CEP63: variants seen among roughly 807,000 people sequenced by gnomAD.
CEP63 encodes the protein centrosomal protein 63, also known as centrosomal protein of 63 kDa.
A neutral mutation model predicts 89.1 loss-of-function variants in CEP63; 84 were observed. The observed-to-expected ratio is 0.94, with a 90% CI of 0.79 to 1.13. CEP63 has a LOEUF of 1.13. Among genes scored for constraint, CEP63 ranks in the 50% most tolerant of loss-of-function variants. The probability of loss-of-function intolerance (pLI) is 0.00; values close to 1 mark genes in which losing one functional copy is unlikely to be tolerated. For missense variants in CEP63, 838 were observed against 813.3 expected (o/e 1.03, Z -0.37); for synonymous variants, 267 against 272.5 (o/e 0.98, Z 0.20).
chr3:134,741,642 A>G, the CEP63 span, among the ~76,000 whole-genome samples: 4 of 152,192 alleles, frequency 2.6e-5, no homozygotes, highest in African/African-American at 7.2e-5. Context: ...GATTTAAACA[A>G]TCGTGTCCTT....
the CEP63 span, among the ~76,000 whole-genome samples, chr3:134,692,574 G>T: frequency 6.6e-6 from 1 of 152,244 alleles, no homozygotes; most frequent in African/African-American, 2.4e-5. Context: ...GTTTACTCAC[G>T]AGAGAAAAGA....
At chr3:134,707,792 T>C in the CEP63 span, among the ~76,000 whole-genome samples, 3 of 140,906 alleles carry the variant, frequency 2.1e-5, no homozygotes, top group Non-Finnish European at 3.0e-5. Flanking sequence ...TGAGGTGAAC[T>C]GGAATTGATG....
At chr3:134,749,766 G>A in the CEP63 span, among the ~76,000 whole-genome samples, 1 of 142,540 alleles carries the variant, frequency 7.0e-6, no homozygotes, top group Admixed American at 7.2e-5. Flanking sequence ...AAAGTGGGAT[G>A]ATAAAATGAA....
the CEP63 span, among the ~76,000 whole-genome samples, chr3:134,745,777 T>G: frequency 6.6e-6 from 1 of 151,162 alleles, no homozygotes; most frequent in African/African-American, 2.4e-5. Context: ...AGTGAGAACA[T>G]GCTGTGTTTA....
intron 3 of CEP63, among the ~76,000 whole-genome samples, chr3:134,520,006 T>C (rs752387656): frequency 7.2e-5 from 11 of 152,174 alleles, no homozygotes; most frequent in Non-Finnish European, 1.3e-4. Context: ...AAGCTTTCCT[T>C]CAGAGATTGT....
At chr3:134,560,712 T>C (rs1361811461) in intron 14 of CEP63, among the ~76,000 whole-genome samples, 3 of 152,152 alleles carry the variant, frequency 2.0e-5, no homozygotes, top group Non-Finnish European at 4.4e-5. Context: ...TTTAGGATTA[T>C]GCTCTCTGTG....
chr3:134,765,994 T>A, the CEP63 span, among the ~76,000 whole-genome samples: 2 of 152,096 alleles, frequency 1.3e-5, no homozygotes, highest in African/African-American at 4.8e-5. Flanking sequence ...TTTATAGGGG[T>A]CAGAGATGAA....
chr3:134,701,454 G>A, the CEP63 span, among the ~76,000 whole-genome samples: 5 of 80,978 alleles, frequency 6.2e-5, 1 homozygote, highest in South Asian at 2.1e-3. Flanking sequence ...ATATATATGT[G>A]TATATATACA....
chr3:134,564,177 C>G lies in CEP63; in HGVS notation c.*2642C>G, dbSNP rs981707567. 4.9e-6 allele frequency: 4 copies of G among 822,842 alleles called. No individual in the cohort carries two copies. In the South Asian group the frequency reaches 1.7e-4, roughly 34 times the overall value. 51.0% of individuals were successfully genotyped at this position (822,842 alleles called of 1,614,324 possible). A position where few individuals can be genotyped will look rare whatever the true frequency, so the allele number is the denominator to read the frequency against. ...GGGCAAGGACTTTGCTTCTCTGGTTCATGGTGGGATCCTCATCACCCAGCA... is the reference window on the plus strand; with the variant it reads ...GGGCAAGGACTTTGCTTCTCTGGTTGATGGTGGGATCCTCATCACCCAGCA... On this transcript the variant is annotated 3_prime_UTR_variant, in exon 15 of 15. Coordinates refer to ENST00000675561, the MANE Select transcript of CEP63 (RefSeq NM_001353108.3).
chr3:134,530,303 T>A (rs949251374), intron 3 of CEP63, among the ~76,000 whole-genome samples: 14 of 152,366 alleles, frequency 9.2e-5, no homozygotes, highest in African/African-American at 3.4e-4. Flanking sequence ...TTTCGTTTTA[T>A]AAGATCTTTG....
the CEP63 span, among the ~76,000 whole-genome samples, chr3:134,701,452 G>A: frequency 1.3e-5 from 1 of 76,128 alleles, no homozygotes; most frequent in Non-Finnish European, 2.6e-5. Context: ...ACATATATAT[G>A]TGTATATATA....
intron 11 of CEP63, among the ~76,000 whole-genome samples, chr3:134,551,605 G>A (rs189625245): frequency 9.6e-4 from 146 of 151,924 alleles, no homozygotes; most frequent in African/African-American, 3.2e-3. Flanking sequence ...GGGATTTAAG[G>A]GGTTCAGTGG....
chr3:134,687,799 C>T, the CEP63 span, among the ~76,000 whole-genome samples: 1 of 152,194 alleles, frequency 6.6e-6, no homozygotes, highest in Non-Finnish European at 1.5e-5. Flanking sequence ...GCAGCCTCCT[C>T]AGGGCACTGC....
intron 3 of CEP63, among the ~76,000 whole-genome samples, chr3:134,528,864 A>C (rs13079012): frequency 0.18 from 27,665 of 152,190 alleles, 3,281 homozygotes; most frequent in Non-Finnish European, 0.27. Flanking sequence ...CGAATAGTTA[A>C]GACTCTTCAA....
the CEP63 span, among the ~76,000 whole-genome samples, chr3:134,698,101 C>A: frequency 6.6e-6 from 1 of 152,254 alleles, no homozygotes; most frequent in African/African-American, 2.4e-5. Flanking sequence ...CCCCGCCAAC[C>A]TGACACCCCA....
At chr3:134,630,573 C>G in the CEP63 span, among the ~76,000 whole-genome samples, 1 of 152,256 alleles carries the variant, frequency 6.6e-6, no homozygotes, top group African/African-American at 2.4e-5. Flanking sequence ...TAGATGGACT[C>G]CTGTGGTCAC....
At chr3:134,719,042 G>C in the CEP63 span, among the ~76,000 whole-genome samples, 1 of 152,194 alleles carries the variant, frequency 6.6e-6, no homozygotes, top group African/African-American at 2.4e-5. Context: ...TTGAATCCAG[G>C]CTTTCTTCAT....
chr3:134,580,053 G>A (rs1958307505), intron 10 of CEP63, among the ~76,000 whole-genome samples: 1 of 152,064 alleles, frequency 6.6e-6, no homozygotes, highest in African/African-American at 2.4e-5. Context: ...AAATTAGCTG[G>A]GCATGATGGT....
downstream of CEP63, chr3:134,565,069 G>A: frequency 4.6e-6 from 3 of 646,984 alleles, no homozygotes; most frequent in Non-Finnish European, 3.8e-6. Flanking sequence ...TCCAAAATCT[G>A]TCCGTGATCA....
Sources: allele counts gnomAD v4.1 joint callset (sites outside exome capture counted in the v4.1 genomes callset), GRCh38; gene constraint gnomAD v4.1.1; transcripts MANE v1.5; gene names NCBI Gene and HGNC (gene_info 2026-07-23, HGNC 2026-07-21).